The following KAZN variants were observed in gnomAD, a reference collection of about 807,000 sequenced individuals.
KAZN encodes kazrin, periplakin interacting protein.
In KAZN, 40 loss-of-function variants were observed where a neutral mutation model predicts 87.4. That is an observed-to-expected ratio of 0.46 (90% CI 0.36 to 0.60). KAZN has a LOEUF of 0.60. Ranked by LOEUF, KAZN falls within the 20% of genes least tolerant of loss-of-function variation. KAZN has a pLI of 0.00. For synonymous variants in KAZN, 466 were observed against 458.3 expected (o/e 1.02, Z -0.22); for missense variants, 898 against 1,073.9 (o/e 0.84, Z 2.29).
chr1:14,207,304 G>A (rs1224490663), intron 2 of KAZN, among the ~76,000 whole-genome samples: 1 of 152,072 alleles, frequency 6.6e-6, no homozygotes, highest in East Asian at 1.9e-4. Flanking sequence ...CTCGGGTGAT[G>A]TTAGGAGGTT....
chr1:14,524,054 T>G (rs1238272115), intron 2 of KAZN, among the ~76,000 whole-genome samples: 1 of 151,966 alleles, frequency 6.6e-6, no homozygotes, highest in African/African-American at 2.4e-5. Flanking sequence ...CAGAGTCTTG[T>G]TCTGTCACCT....
At chr1:14,874,217 G>A (rs965496509) in intron 1 of KAZN, among the ~76,000 whole-genome samples, 1 of 152,158 alleles carries the variant, frequency 6.6e-6, no homozygotes, top group African/African-American at 2.4e-5. Context: ...TTGAGCTCTG[G>A]AGTCCTCCAA....
chr1:14,718,166 T>C (rs1642902246), intron 1 of KAZN, among the ~76,000 whole-genome samples: 1 of 152,240 alleles, frequency 6.6e-6, no homozygotes, highest in Non-Finnish European at 1.5e-5. Flanking sequence ...TCATGCTCTC[T>C]CTTCCAGCTG....
chr1:14,742,720 G>C (rs904128892), intron 1 of KAZN, among the ~76,000 whole-genome samples: 3 of 152,208 alleles, frequency 2.0e-5, no homozygotes, highest in Admixed American at 6.5e-5. Flanking sequence ...TCTTGCTTTT[G>C]AATTGCTTTG....
intron 2 of KAZN, among the ~76,000 whole-genome samples, chr1:14,571,541 T>A (rs1422552611): frequency 6.6e-6 from 1 of 152,176 alleles, no homozygotes; most frequent in Non-Finnish European, 1.5e-5. Flanking sequence ...GATCAATGGC[T>A]CCATGCGCCT....
intron 2 of KAZN, among the ~76,000 whole-genome samples, chr1:15,016,886 T>C (rs191521984): frequency 6.6e-6 from 1 of 152,326 alleles, no homozygotes; most frequent in East Asian, 1.9e-4. Context: ...TCTGTTTGTT[T>C]ACTTCTCAGC....
chr1:14,775,800 A>G (rs1357230268), intron 1 of KAZN, among the ~76,000 whole-genome samples: 1 of 152,210 alleles, frequency 6.6e-6, no homozygotes, highest in Non-Finnish European at 1.5e-5. Context: ...AGAGGCTGCA[A>G]AAGCTCAAGT....
chr1:14,642,383 G>C (rs781165033), intron 1 of KAZN, among the ~76,000 whole-genome samples: 4 of 152,174 alleles, frequency 2.6e-5, no homozygotes, highest in Non-Finnish European at 5.9e-5. Flanking sequence ...CTGGGTGACA[G>C]AGTGAGACTC....
intron 2 of KAZN, among the ~76,000 whole-genome samples, chr1:14,522,379 G>T (rs1437899324): frequency 1.3e-5 from 2 of 152,198 alleles, no homozygotes; most frequent in Non-Finnish European, 2.9e-5. Flanking sequence ...AGCTAGGCTT[G>T]CTTGGGAGAT....
intron 2 of KAZN, among the ~76,000 whole-genome samples, chr1:14,523,527 T>C (rs1011769956): frequency 5.3e-5 from 8 of 152,198 alleles, no homozygotes; most frequent in Non-Finnish European, 8.8e-5. Flanking sequence ...TGTCACAAAG[T>C]CATGAATAAT....
At chr1:14,141,823 A>T (rs1645246067) in intron 1 of KAZN, among the ~76,000 whole-genome samples, 1 of 152,196 alleles carries the variant, frequency 6.6e-6, no homozygotes. Context: ...CTGTGCATGG[A>T]TAATGGCGTG....
Position 15,114,581 on chromosome 1 carries a change from G to T in KAZN, c.2274G>T (p.Arg758Ser). 6.2e-7 allele frequency: 1 copy of T among 1,604,314 alleles called. No homozygotes were observed. The highest frequency in any genetic ancestry group is 8.5e-7 in the Non-Finnish European group (1 of 1,175,278). The change falls in exon 15 of 15, where the codon AGG (arginine) becomes AGT (serine). Residue 758 changes from arginine (R) to serine (S), a missense_variant. Physicochemically the swap from Arg to Ser is moderately radical, Grantham distance 110 (BLOSUM62 -1). Around this residue, in one of 3 missense-constraint regions of KAZN, gnomAD observed 127 missense variants for 121.5 expected, o/e 1.04. Transcript: ENST00000376030. ...EDCGDDDPQSRLEQCRLEGYN... is the reference protein window; with the variant it reads ...EDCGDDDPQSSLEQCRLEGYN... ...GCGGAGACGATGACCCCCAGAGCAGGCTGGAACAGTGCCGTCTGGAAGGCT... is the reference window on the plus strand; with the variant it reads ...GCGGAGACGATGACCCCCAGAGCAGTCTGGAACAGTGCCGTCTGGAAGGCT...
intron 1 of KAZN, among the ~76,000 whole-genome samples, chr1:14,611,453 G>T (rs372449635): frequency 6.6e-6 from 1 of 152,230 alleles, no homozygotes; most frequent in South Asian, 2.1e-4. Flanking sequence ...GCACCCTCCC[G>T]AGGTGGGAGG....
chr1:14,065,874 A>G (rs575542384), intron 1 of KAZN, among the ~76,000 whole-genome samples: 345 of 152,300 alleles, frequency 2.3e-3, no homozygotes, highest in African/African-American at 7.9e-3. Context: ...TGAATTGTAT[A>G]AAATTCATGA....
chr1:14,047,395 C>A (rs568412887), intron 1 of KAZN, among the ~76,000 whole-genome samples: 2 of 152,284 alleles, frequency 1.3e-5, no homozygotes, highest in African/African-American at 4.8e-5. Context: ...CTTGCCTGGA[C>A]ACCCAGGAGC....
At chr1:13,908,879 G>A (rs1480855574) in intron 1 of KAZN, among the ~76,000 whole-genome samples, 10 of 152,112 alleles carry the variant, frequency 6.6e-5, no homozygotes, top group Non-Finnish European at 1.2e-4. Flanking sequence ...AAGGACTTTC[G>A]TGAGCTGGAG....
intron 1 of KAZN, among the ~76,000 whole-genome samples, chr1:14,757,504 A>G (rs994415453): frequency 6.6e-6 from 1 of 152,234 alleles, no homozygotes; most frequent in Non-Finnish European, 1.5e-5. Flanking sequence ...TAGTTTCCTC[A>G]TCAGTAAAAT....
Position 14,400,237 on chromosome 1 carries a change from A to C in KAZN, c.250-198746A>C, listed in dbSNP as rs144023491. 7.9e-3 allele frequency among the ~76,000 whole-genome samples: 1,204 copies of C among 152,330 alleles called. 15 individuals are homozygous for C. The highest frequency in any genetic ancestry group is 0.027 in the African/African-American group (1,109 of 41,568). ...TTTGTCCTGAGAGAATCACAAAGGA[A>C]GAAATCTCAACATCTCTAAGAGCAA... On this transcript the variant is annotated intron_variant, in intron 2 of 16. Transcript: ENST00000636203.
intron 2 of KAZN, among the ~76,000 whole-genome samples, chr1:14,410,104 AATTT>A (rs1374744261): frequency 2.0e-5 from 3 of 152,164 alleles, no homozygotes; most frequent in South Asian, 4.2e-4. Flanking sequence ...GGAAAAGTCC[AATTT>A]ATTTATTTAT....
Sources: gnomAD v4.1 joint callset for allele counts (sites outside exome capture counted in the v4.1 genomes callset) on GRCh38, gnomAD v4.1.1 for gene constraint, gnomAD v4.1.1 regional missense constraint, MANE v1.5 for transcripts, NCBI Gene and HGNC (gene_info 2026-07-23, HGNC 2026-07-21) for gene names.